ARSG: variants seen among roughly 807,000 people sequenced by gnomAD.
ARSG encodes the protein arylsulfatase G.
ARSG carries 37 observed loss-of-function variants against 50.5 expected under a neutral mutation model. The observed-to-expected ratio is 0.73, with a 90% CI of 0.56 to 0.96. The LOEUF (loss-of-function observed/expected upper bound fraction) is 0.96, where lower values mean the gene tolerates loss of function less well. Ranked by LOEUF, ARSG falls within the 50% of genes least tolerant of loss-of-function variation. The pLI is 0.00. For missense variants in ARSG, 629 were observed against 675.3 expected (o/e 0.93, Z 0.76); for synonymous variants, 225 against 254.6 (o/e 0.88, Z 1.11).
chr17:68,347,292 G>T, intron 4 of ARSG, 120 bp downstream of exon 4: 1 of 1,174,654 alleles, frequency 8.5e-7, no homozygotes, highest in South Asian at 1.2e-5. Context: ...GGACATCTTT[G>T]TTCACGAGGT....
At chr17:68,383,611 G>A (rs1247708649) in intron 8 of ARSG, among the ~76,000 whole-genome samples, 1 of 152,254 alleles carries the variant, frequency 6.6e-6, no homozygotes, top group Non-Finnish European at 1.5e-5. Context: ...CCTTTGAGCG[G>A]ATGCTTCCTC....
At chr17:68,309,263 C>T (rs766008547) in intron 2 of ARSG, among the ~76,000 whole-genome samples, 44 of 152,246 alleles carry the variant, frequency 2.9e-4, no homozygotes, top group South Asian at 2.1e-4. Flanking sequence ...AAGCGCAGCA[C>T]GCAGCCCCAG....
chr17:68,318,637 CTG>C (rs1158334330), intron 2 of ARSG, among the ~76,000 whole-genome samples: 1 of 152,204 alleles, frequency 6.6e-6, no homozygotes, highest in African/African-American at 2.4e-5. Context: ...TGACAGCACA[CTG>C]TAATCATGTT....
rs75576450 is a variant in ARSG at position 68,404,372 on chromosome 17, A to C, written c.1303+2922A>C. Reference sequence around the variant, plus strand: ...TGTCCAGTTAAGGCAACCTGTACACAAAGTGAAAGGCCCAGATCTATAATG... The same window carrying C: ...TGTCCAGTTAAGGCAACCTGTACACCAAGTGAAAGGCCCAGATCTATAATG... On this transcript the variant is annotated intron_variant, in intron 11 of 11. Transcript: ENST00000621439. Among the ~76,000 whole-genome samples the C allele has an allele frequency of 2.6e-4, 40 of 152,308 alleles. No homozygotes were observed. In the East Asian group the frequency reaches 5.4e-3, roughly 21 times the overall value.
At chr17:68,427,283 GAA>G, downstream of ARSG, 1 of 1,549,680 alleles carries the variant, frequency 6.5e-7, no homozygotes, top group Non-Finnish European at 8.9e-7. Context: ...GGAGGTGAAA[GAA>G]AAAAGAAATC....
chr17:68,370,841 T>G (rs2079804683), intron 8 of ARSG, among the ~76,000 whole-genome samples: 1 of 152,212 alleles, frequency 6.6e-6, no homozygotes, highest in Non-Finnish European at 1.5e-5. Context: ...TTTACTTTCA[T>G]CCTGTTCCCT....
chr17:68,315,727 G>A (rs2077045262), intron 2 of ARSG, among the ~76,000 whole-genome samples: 1 of 152,080 alleles, frequency 6.6e-6, no homozygotes, highest in African/African-American at 2.4e-5. Context: ...CTGCCTCCCA[G>A]GTTCAAGTGA....
chr17:68,278,587 A>ACCACAG (rs1278728075), intron 1 of ARSG, among the ~76,000 whole-genome samples: 5 of 149,882 alleles, frequency 3.3e-5, no homozygotes, highest in Admixed American at 6.7e-5. Context: ...GGCATGTGCC[A>ACCACAG]CCACAGCCAG....
chr17:68,278,856 G>A (rs2075608805), intron 1 of ARSG, among the ~76,000 whole-genome samples: 1 of 152,040 alleles, frequency 6.6e-6, no homozygotes, highest in Non-Finnish European at 1.5e-5. Flanking sequence ...CTGACCTCAA[G>A]GGATCCACCC....
At chr17:68,425,249 G>A (rs563679427), downstream of ARSG, among the ~76,000 whole-genome samples, 2 of 152,308 alleles carry the variant, frequency 1.3e-5, no homozygotes, top group South Asian at 2.1e-4. Context: ...TTTCACCTAG[G>A]CTGGAGTGCA....
In ARSG at chr17:68,318,571, G is replaced by A. The variant is rs769703160; in HGVS notation, c.218+10860G>A. ...GAGAGAGGTGGCCACAGGCAGCGAAGCCCAGATACTTCCCATTTGCTTGAA... is the reference window on the plus strand; with the variant it reads ...GAGAGAGGTGGCCACAGGCAGCGAAACCCAGATACTTCCCATTTGCTTGAA... On this transcript the variant is annotated intron_variant, in intron 2 of 11. Coordinates refer to ENST00000621439, the MANE Select transcript of ARSG (RefSeq NM_001267727.2). 7.2e-4 allele frequency among the ~76,000 whole-genome samples: 109 copies of A among 152,242 alleles called. 1 individual carries two copies. The highest frequency in any genetic ancestry group is 3.1e-4 in the Non-Finnish European group (21 of 68,044).
At chr17:68,403,578 T>C (rs1600111401) in intron 11 of ARSG, among the ~76,000 whole-genome samples, 1 of 152,196 alleles carries the variant, frequency 6.6e-6, no homozygotes, top group South Asian at 2.1e-4. Flanking sequence ...TCTACTACAT[T>C]AGATTAGAGA....
chr17:68,434,204 A>G, the ARSG span, among the ~76,000 whole-genome samples: 1 of 152,146 alleles, frequency 6.6e-6, no homozygotes, highest in Non-Finnish European at 1.5e-5. Context: ...CCTACATCCG[A>G]TAAGATCCCA....
At chr17:68,349,659 G>A (rs1490279051) in intron 4 of ARSG, among the ~76,000 whole-genome samples, 1 of 152,206 alleles carries the variant, frequency 6.6e-6, no homozygotes, top group Non-Finnish European at 1.5e-5. Context: ...CGAGGCAGGT[G>A]GATTACTTGA....
At chr17:68,278,666 C>T (rs2075602736) in intron 1 of ARSG, among the ~76,000 whole-genome samples, 1 of 137,774 alleles carries the variant, frequency 7.3e-6, no homozygotes, top group East Asian at 2.1e-4. Context: ...GTTGCCCAGG[C>T]TGCAGTGTAG....
chr17:68,451,023 C>A, the ARSG span: 1 of 1,330,182 alleles, frequency 7.5e-7, no homozygotes, highest in Non-Finnish European at 1.0e-6. Flanking sequence ...CGGCCAGGCG[C>A]CCTCTCTGAG....
intron 2 of ARSG, among the ~76,000 whole-genome samples, chr17:68,315,658 A>C (rs1555768248): frequency 6.6e-6 from 1 of 152,100 alleles, no homozygotes; most frequent in East Asian, 1.9e-4. Context: ...TTTAAGATGA[A>C]GTCTTGCTCT....
chr17:68,261,422 C>T (rs2075069161), intron 1 of ARSG, among the ~76,000 whole-genome samples: 1 of 152,074 alleles, frequency 6.6e-6, no homozygotes, highest in Non-Finnish European at 1.5e-5. Flanking sequence ...TCCTGTCACC[C>T]AGGCTAGAGT....
chr17:68,445,642 T>C, the ARSG span, among the ~76,000 whole-genome samples: 1 of 152,222 alleles, frequency 6.6e-6, no homozygotes, highest in Non-Finnish European at 1.5e-5. Flanking sequence ...TCAGAGCCTC[T>C]TCCCAATGGC....
Sources: allele counts gnomAD v4.1 joint callset (sites outside exome capture counted in the v4.1 genomes callset), GRCh38; gene constraint gnomAD v4.1.1; transcripts MANE v1.5; gene names NCBI Gene and HGNC (gene_info 2026-07-23, HGNC 2026-07-21).